Variants in VEPH1 observed in about 807,000 individuals in gnomAD.
VEPH1 encodes ventricular zone-expressed PH domain-containing protein homolog 1.
VEPH1 carries 80 observed loss-of-function variants against 85.2 expected under a neutral mutation model. The observed-to-expected ratio is 0.94, with a 90% CI of 0.78 to 1.13. The LOEUF is 1.13. Ranked by LOEUF, VEPH1 falls within the 50% of genes most tolerant of loss-of-function variation. The pLI is 0.00. For synonymous variants in VEPH1, 297 were observed against 348.0 expected, an observed-to-expected ratio of 0.85 and a Z score of 1.63; for missense variants, 955 against 980.5, an observed-to-expected ratio of 0.97 and a Z score of 0.35.
rs146614208 is a variant in VEPH1 at position 157,370,982 on chromosome 3, A to G, written c.1128-6470T>C. Among the ~76,000 whole-genome samples, 421 of 152,362 alleles carry G rather than the reference A, an allele frequency of 2.8e-3. 4 individuals are homozygous for G. In the East Asian group the frequency reaches 0.043, roughly 16 times the overall value. On this transcript the variant is annotated intron_variant, in intron 7 of 13. Transcript: ENST00000362010. Reference sequence around the variant, plus strand: ...CAGATTGCTGAAAGCATTGTATAAGATACTGGATTTGACAGTGTTGCTCAC... The same window carrying G: ...CAGATTGCTGAAAGCATTGTATAAGGTACTGGATTTGACAGTGTTGCTCAC...
At chr3:157,484,545 G>A (rs1025279795) in intron 2 of VEPH1, among the ~76,000 whole-genome samples, 1 of 152,112 alleles carries the variant, frequency 6.6e-6, no homozygotes, top group African/African-American at 2.4e-5. Flanking sequence ...GGTGAAAAAA[G>A]AAACAGGGAA....
intron 9 of VEPH1, among the ~76,000 whole-genome samples, chr3:157,325,278 A>G (rs1577344035): frequency 6.6e-6 from 1 of 151,998 alleles, no homozygotes; most frequent in Non-Finnish European, 1.5e-5. Context: ...ATTTTCTCCC[A>G]TTCTGTAGAT....
intron 11 of VEPH1, among the ~76,000 whole-genome samples, chr3:157,310,562 C>A (rs1719996539): frequency 6.6e-6 from 1 of 152,188 alleles, no homozygotes; most frequent in African/African-American, 2.4e-5. Flanking sequence ...GCAGGTTACG[C>A]TGCTATAACT....
intron 6 of VEPH1, among the ~76,000 whole-genome samples, chr3:157,392,015 G>T (rs1413118154): frequency 6.6e-6 from 1 of 152,138 alleles, no homozygotes; most frequent in Admixed American, 6.5e-5. Flanking sequence ...ATAAAATATT[G>T]TCCAGACAAG....
At chr3:157,305,062 A>ATCTATCTATCTATCTG (rs1719319990) in intron 11 of VEPH1, among the ~76,000 whole-genome samples, 2 of 138,250 alleles carry the variant, frequency 1.4e-5, no homozygotes, top group African/African-American at 5.5e-5. Flanking sequence ...CTATCTATCT[A>ATCTATCTATCTATCTG]TCTATCTTCC....
At chr3:157,267,102 C>CTTTT (rs10537483) in intron 12 of VEPH1, among the ~76,000 whole-genome samples, 1 of 124,676 alleles carries the variant, frequency 8.0e-6, no homozygotes, top group Non-Finnish European at 1.6e-5. Context: ...TCTTTTTTTT[C>CTTTT]TTTTTTTTTT....
chr3:157,430,639 C>A (rs1436384874), intron 4 of VEPH1, among the ~76,000 whole-genome samples: 1 of 152,152 alleles, frequency 6.6e-6, no homozygotes. Context: ...GTTGATTCAA[C>A]AGGTTGGAGG....
intron 1 of VEPH1, among the ~76,000 whole-genome samples, chr3:157,500,675 T>C (rs958982795): frequency 6.6e-5 from 10 of 152,218 alleles, no homozygotes; most frequent in African/African-American, 2.4e-4. Flanking sequence ...GCTTTAGCCT[T>C]CCCTTTTAAT....
chr3:157,349,953 G>A (rs73156753), intron 9 of VEPH1, among the ~76,000 whole-genome samples: 35,457 of 152,046 alleles, frequency 0.23, 4,897 homozygotes, highest in Admixed American at 0.44. Context: ...AGCCAAGGCA[G>A]TCTACAGATT....
intron 3 of VEPH1, among the ~76,000 whole-genome samples, chr3:157,466,018 T>G (rs1471111546): frequency 6.6e-6 from 1 of 152,212 alleles, no homozygotes; most frequent in Admixed American, 6.5e-5. Flanking sequence ...AGGCATTGGC[T>G]GCCAGGCTTC....
chr3:157,274,923 T>TA (rs1715190530), intron 12 of VEPH1, among the ~76,000 whole-genome samples: 1 of 152,198 alleles, frequency 6.6e-6, no homozygotes, highest in Non-Finnish European at 1.5e-5. Context: ...TACAACCCAG[T>TA]AATAGATTGA....
chr3:157,279,931 G>A (rs570644003), intron 12 of VEPH1, among the ~76,000 whole-genome samples: 35 of 148,978 alleles, frequency 2.3e-4, no homozygotes, highest in African/African-American at 7.9e-4. Flanking sequence ...CAGGAGAATC[G>A]CTTGAACCCG....
Position 157,286,637 on chromosome 3 carries a change from C to T in VEPH1, c.2048G>A (p.Arg683Lys), listed in dbSNP as rs201808320. ...DQVQLHLEEVRFFDVFGFSET... is the reference protein window; with the variant it reads ...DQVQLHLEEVKFFDVFGFSET... ...ACTGAAGCCAAACACGTCAAAGAAC[C>T]TCACTTCTTCCAGATGGAGCTGTAC... Residue 683 changes from arginine (R) to lysine (K), a missense_variant, in exon 12 of 14, where the codon AGG (arginine) becomes AAG (lysine). Transcript: ENST00000362010. 1.9e-6 allele frequency: 3 copies of T among 1,614,106 alleles called. No homozygotes were observed. In the East Asian group the frequency reaches 6.7e-5, roughly 36 times the overall value.
chr3:157,411,505 T>C (rs1731525737), intron 6 of VEPH1, among the ~76,000 whole-genome samples: 1 of 152,144 alleles, frequency 6.6e-6, no homozygotes, highest in African/African-American at 2.4e-5. Flanking sequence ...GATCCACAAA[T>C]AGCTGCGTCA....
At chr3:157,325,025 G>A (rs1026642897) in intron 9 of VEPH1, among the ~76,000 whole-genome samples, 1 of 152,038 alleles carries the variant, frequency 6.6e-6, no homozygotes, top group Non-Finnish European at 1.5e-5. Context: ...TCTAATAATA[G>A]CCATTCTGAC....
At chr3:157,496,305 A>T (rs1049527879) in intron 1 of VEPH1, among the ~76,000 whole-genome samples, 13 of 152,230 alleles carry the variant, frequency 8.5e-5, no homozygotes, top group Admixed American at 4.6e-4. Flanking sequence ...CAAATTAGAC[A>T]TCTGATTATT....
intron 9 of VEPH1, among the ~76,000 whole-genome samples, chr3:157,362,255 T>C (rs960190871): frequency 6.6e-6 from 1 of 152,146 alleles, no homozygotes; most frequent in African/African-American, 2.4e-5. Flanking sequence ...GCTCTTGAAC[T>C]CCTGACCTCA....
At chr3:157,456,811 G>A (rs1735423683) in intron 4 of VEPH1, among the ~76,000 whole-genome samples, 1 of 152,096 alleles carries the variant, frequency 6.6e-6, no homozygotes, top group African/African-American at 2.4e-5. Flanking sequence ...ACAGTGTGAT[G>A]CCTCCAGGTT....
At chr3:157,394,989 G>T (rs1435743497) in intron 6 of VEPH1, among the ~76,000 whole-genome samples, 1 of 151,958 alleles carries the variant, frequency 6.6e-6, no homozygotes, top group African/African-American at 2.4e-5. Flanking sequence ...CACCTGGTTG[G>T]CATTGTAATT....
Sources: allele counts gnomAD v4.1 joint callset (sites outside exome capture counted in the v4.1 genomes callset), GRCh38; gene constraint gnomAD v4.1.1; transcripts MANE v1.5; gene names NCBI Gene and HGNC (gene_info 2026-07-23, HGNC 2026-07-21).